Variants in BIN1 observed in about 807,000 individuals in gnomAD.
The protein encoded by BIN1 is myc box-dependent-interacting protein 1.
Under a neutral mutation model 82.0 loss-of-function variants are expected in BIN1, and 53 were observed. The observed-to-expected ratio is 0.65, with a 90% CI of 0.52 to 0.81. BIN1 has a LOEUF of 0.81. BIN1 is among the 40% of genes least tolerant of loss of function. BIN1 has a pLI of 0.00. For missense variants in BIN1, 642 were observed against 784.4 expected (o/e 0.82, Z 2.17); for synonymous variants, 302 against 328.0 (o/e 0.92, Z 0.86).
At chr2:127,063,857 C>T (rs2105006701) in intron 8 of BIN1, 76 bp downstream of exon 8, 2 of 1,582,578 alleles carry the variant, frequency 1.3e-6, no homozygotes, top group South Asian at 1.1e-5. Context: ...CTGGGCACCA[C>T]AGCACGCAGA....
In BIN1 at chr2:127,059,038, C is replaced by T. The variant is rs771288492; in HGVS notation, c.975G>A (p.Gly325=). 1 of 1,563,318 alleles carries T rather than the reference C, an allele frequency of 6.4e-7. No homozygotes were observed. The highest frequency in any genetic ancestry group is 1.9e-5 in the Admixed American group (1 of 52,116). ...EPEPAGGATP[G]ATLPKSPSQL... ...GAGATGGGGACTTGGGGAGGGTGGCCCCGGGCGTGGCCCCGCCGGCCGGCT... is the reference window on the plus strand; with the variant it reads ...GAGATGGGGACTTGGGGAGGGTGGCTCCGGGCGTGGCCCCGCCGGCCGGCT... The change falls in exon 11 of 19, where the codon GGG becomes GGA. Residue 325 remains glycine (G), a synonymous_variant. Coordinates refer to ENST00000316724, the MANE Select transcript of BIN1 (RefSeq NM_139343.3). The surrounding 1 kb of genome is among the most constrained non-coding windows in gnomAD (Gnocchi z 6.7).
intron 13 of BIN1, 197 bp from the exon 14 acceptor site, chr2:127,053,642 C>T (rs1683258284): frequency 3.8e-6 from 3 of 785,520 alleles, no homozygotes; most frequent in African/African-American, 3.4e-5. Context: ...CTTCAAGACC[C>T]CAAGCCAGGA....
intron 5 of BIN1, among the ~76,000 whole-genome samples, chr2:127,069,513 C>T (rs1685587942): frequency 6.6e-6 from 1 of 152,196 alleles, no homozygotes; most frequent in Admixed American, 6.5e-5. Flanking sequence ...CTGCCAGCTC[C>T]GAGCACCAAC....
intron 1 of BIN1, among the ~76,000 whole-genome samples, chr2:127,094,179 G>A (rs1228474682): frequency 6.6e-6 from 1 of 152,250 alleles, no homozygotes; most frequent in Non-Finnish European, 1.5e-5. Flanking sequence ...GGAGTAACTT[G>A]TCCAAGGTCA....
At position 127,089,584 on chromosome 2, in the gene BIN1, C is replaced by T. The variant is rs547516384; in HGVS notation, c.85-12878G>A. On this transcript the variant is annotated intron_variant, in intron 1 of 18. Transcript: ENST00000316724. ...AAGGTGCAGACACAATGGCCAGGAA[C>T]CCTGGGGTGGACTGGACACACCCCA... Among the ~76,000 whole-genome samples, 20 of 152,238 alleles carry T rather than the reference C, an allele frequency of 1.3e-4. 1 individual carries two copies. The highest frequency in any genetic ancestry group is 2.1e-4 in the Non-Finnish European group (14 of 67,994).
rs546611378 is a variant in BIN1 at position 127,068,485 on chromosome 2, G to A, written c.520-230C>T. ...GTGAGCGTGGTTAGCAGCACAGGGG[G>A]CCCAGCAAGCACGGCCCTGCCCGGA... On this transcript the variant is annotated intron_variant, in intron 6 of 18. Coordinates refer to ENST00000316724, the MANE Select transcript of BIN1 (RefSeq NM_139343.3). The surrounding 1 kb of genome is among the most constrained non-coding windows in gnomAD (Gnocchi z 4.9). 1.2e-4 allele frequency among the ~76,000 whole-genome samples: 18 copies of A among 152,106 alleles called. No homozygotes were observed. Among genetic ancestry groups the A allele is most frequent in the South Asian group, 4.1e-4 (2 of 4,832 alleles).
chr2:127,070,844 C>A lies in BIN1; in HGVS notation c.166-28G>T. 3 of 1,605,762 alleles carry A rather than the reference C, an allele frequency of 1.9e-6. No individual in the cohort carries two copies. In the South Asian group the frequency reaches 3.3e-5, roughly 18 times the overall value. Reference sequence around the variant, plus strand: ...GCAAAGAGAAGGACAAGGACCAGGTCAGGGACTGGTGGCACACCCAGTCCC... The same window carrying A: ...GCAAAGAGAAGGACAAGGACCAGGTAAGGGACTGGTGGCACACCCAGTCCC... On this transcript the variant is annotated intron_variant, in intron 2 of 18. Coordinates refer to ENST00000316724, the MANE Select transcript of BIN1 (RefSeq NM_139343.3).
chr2:127,085,428 CCATGTA>C (rs895958024), intron 1 of BIN1, among the ~76,000 whole-genome samples: 10 of 152,322 alleles, frequency 6.6e-5, no homozygotes, highest in Admixed American at 1.3e-4. Flanking sequence ...ACAAGCTCGG[CCATGTA>C]CATGCAGCAA....
At chr2:127,062,969 C>G (rs1349765459) in intron 9 of BIN1, among the ~76,000 whole-genome samples, 1 of 152,208 alleles carries the variant, frequency 6.6e-6, no homozygotes, top group Non-Finnish European at 1.5e-5. Flanking sequence ...CTTCATCCAT[C>G]TGGGCCCAAG....
intron 2 of BIN1, 47 bp from the exon 3 acceptor site, chr2:127,070,863 C>T: frequency 6.3e-7 from 1 of 1,574,924 alleles, no homozygotes; most frequent in Non-Finnish European, 8.6e-7. Flanking sequence ...GTGGCACACC[C>T]AGTCCCTGAC....
At chr2:127,074,118 C>T (rs1159241323) in intron 2 of BIN1, among the ~76,000 whole-genome samples, 1 of 152,076 alleles carries the variant, frequency 6.6e-6, no homozygotes, top group Non-Finnish European at 1.5e-5. Context: ...GTGCTGGGCC[C>T]ACTAGGCTTG....
chr2:127,061,391 T>C (rs1345808390), intron 10 of BIN1, among the ~76,000 whole-genome samples: 2 of 152,168 alleles, frequency 1.3e-5, no homozygotes, highest in Non-Finnish European at 2.9e-5. Flanking sequence ...TCGCCCTGTT[T>C]TACAGAGTCC....
chr2:127,075,411 G>A (rs1686452473), intron 2 of BIN1, among the ~76,000 whole-genome samples: 1 of 152,182 alleles, frequency 6.6e-6, no homozygotes, highest in Non-Finnish European at 1.5e-5. Flanking sequence ...TCTTGTTCAA[G>A]CCTCTATTCT....
In BIN1 at chr2:127,057,054, C is replaced by T. The variant is rs937277285; in HGVS notation, c.1131+419G>A. ...GCAGCCTGGCCGCTGCCCCCGCCCT[C>T]GAGGGGCTGACAGCAGCTGTGGGAG... On this transcript the variant is annotated intron_variant, in intron 12 of 18. Coordinates refer to ENST00000316724, the MANE Select transcript of BIN1 (RefSeq NM_139343.3). The surrounding 1 kb of genome is among the most constrained non-coding windows in gnomAD (Gnocchi z 5.0). Among the ~76,000 whole-genome samples, 4 of 152,208 alleles carry T rather than the reference C, an allele frequency of 2.6e-5. No homozygotes were observed. Among genetic ancestry groups the T allele is most frequent in the East Asian group, 3.9e-4 (2 of 5,184 alleles).
intron 7 of BIN1, 130 bp from the exon 8 acceptor site, chr2:127,064,148 G>C: frequency 9.7e-7 from 1 of 1,030,810 alleles, no homozygotes; most frequent in South Asian, 1.4e-5. Flanking sequence ...GCAAGACAGA[G>C]GCTGAACTGG....
At chr2:127,100,103 C>T (rs1680124163) in intron 1 of BIN1, among the ~76,000 whole-genome samples, 1 of 152,222 alleles carries the variant, frequency 6.6e-6, no homozygotes, top group East Asian at 1.9e-4. Flanking sequence ...CCGCACCCGG[C>T]CAAGAGTGTT....
chr2:127,100,556 G>A (rs980534495), intron 1 of BIN1, among the ~76,000 whole-genome samples: 1 of 152,212 alleles, frequency 6.6e-6, no homozygotes, highest in Admixed American at 6.5e-5. Flanking sequence ...CTTTGTGGAT[G>A]GGACGTATAA....
Position 127,104,444 on chromosome 2 carries a change from G to T in BIN1, c.84+2416C>A, listed in dbSNP as rs571514174. Among the ~76,000 whole-genome samples the T allele has an allele frequency of 6.6e-5, 10 of 152,260 alleles. No individual in the cohort carries two copies. The South Asian group carries it at 1.5e-3, about 22-fold the overall frequency. Reference sequence around the variant, plus strand: ...TTTGTTTGGGCTGGAAGTGGATGTGGGAAGGCCGGGGGTGAAGGGTGGATG... The same window carrying T: ...TTTGTTTGGGCTGGAAGTGGATGTGTGAAGGCCGGGGGTGAAGGGTGGATG... On this transcript the variant is annotated intron_variant, in intron 1 of 18. Coordinates refer to ENST00000316724, the MANE Select transcript of BIN1 (RefSeq NM_139343.3).
At position 127,070,559 on chromosome 2, in the gene BIN1, G is replaced by A. The variant is rs151288388; in HGVS notation, c.309C>T (p.Ile103=). ...CCACCTGTCCCATGCTCACCTCTGCGATCTTGTTTGCCTCATCCCTGCCGG... is the reference window on the plus strand; with the variant it reads ...CCACCTGTCCCATGCTCACCTCTGCAATCTTGTTTGCCTCATCCCTGCCGG... ...DWPGRDEANK[I]AENNDLLWMD... The change falls in exon 4 of 19, where the codon ATC becomes ATT. Residue 103 remains isoleucine (I), a synonymous_variant. Coordinates refer to ENST00000316724, the MANE Select transcript of BIN1 (RefSeq NM_139343.3). The A allele has an allele frequency of 6.9e-5, 112 of 1,614,048 alleles. 2 individuals are homozygous for A. The highest frequency in any genetic ancestry group is 8.0e-5 in the Non-Finnish European group (94 of 1,180,014).
Sources: allele counts gnomAD v4.1 joint callset (sites outside exome capture counted in the v4.1 genomes callset), GRCh38; gene constraint gnomAD v4.1.1; non-coding constraint Gnocchi (gnomAD v3.1); transcripts MANE v1.5; gene names NCBI Gene and HGNC (gene_info 2026-07-23, HGNC 2026-07-21).